DOP1A: variants seen among roughly 807,000 people sequenced by gnomAD.
DOP1A encodes the protein protein DOP1A.
Under a neutral mutation model 267.6 loss-of-function variants are expected in DOP1A, and 90 were observed. The ratio of observed to expected loss-of-function variants is 0.34; its 90% CI spans 0.28 to 0.40. The LOEUF (loss-of-function observed/expected upper bound fraction) is 0.40. Among genes scored for constraint, DOP1A ranks in the 10% least tolerant of loss-of-function variants. The pLI, the probability that DOP1A is intolerant of heterozygous loss-of-function variation, is 1.00. For synonymous variants in DOP1A, 932 were observed against 999.1 expected (o/e 0.93, Z 1.27); for missense variants, 2,437 against 2,900.4 (o/e 0.84, Z 3.67).
At chr6:83,070,920 A>G (rs141739509) in intron 1 of DOP1A, among the ~76,000 whole-genome samples, 4 of 152,334 alleles carry the variant, frequency 2.6e-5, no homozygotes, top group Admixed American at 6.5e-5. Context: ...ATATTTCTTT[A>G]TATCAATGTG....
chr6:83,072,215 A>G (rs923769454), intron 1 of DOP1A, among the ~76,000 whole-genome samples: 18 of 152,180 alleles, frequency 1.2e-4, no homozygotes, highest in African/African-American at 4.3e-4. Flanking sequence ...ACTTATAGGC[A>G]TATATCCATA....
intron 37 of DOP1A, among the ~76,000 whole-genome samples, chr6:83,160,785 C>A (rs2128412507): frequency 6.6e-6 from 1 of 152,182 alleles, no homozygotes; most frequent in South Asian, 2.1e-4. Flanking sequence ...TATATTGTGT[C>A]TTATTTTTCT....
In DOP1A at chr6:83,125,182, G is replaced by C; in HGVS notation, c.1472G>C (p.Arg491Thr). The change falls in exon 14 of 39, where the codon AGG becomes ACG. Residue 491 changes from arginine to threonine, a missense_variant. Physicochemically the swap from Arg to Thr is moderately conservative, Grantham distance 71. Transcript: ENST00000349129. ...DIVSLPTRSM[R>T]VLCQETYIEI... Reference sequence around the variant, plus strand: ...ATTTTGAAGCCTACTAGAAGTATGAGGGTGCTGTGTCAGGTATGACATTCA... The same window carrying C: ...ATTTTGAAGCCTACTAGAAGTATGACGGTGCTGTGTCAGGTATGACATTCA... The C allele has an allele frequency of 1.3e-6, 2 of 1,582,490 alleles. No homozygotes were observed. Among genetic ancestry groups the C allele is most frequent in the Non-Finnish European group, 1.7e-6 (2 of 1,171,184 alleles).
At position 83,111,765 on chromosome 6, in the gene DOP1A, T is replaced by C. The variant is rs545485286; in HGVS notation, c.681+1451T>C. 5.3e-5 allele frequency among the ~76,000 whole-genome samples: 8 copies of C among 152,332 alleles called. No homozygotes were observed. In the South Asian group the frequency reaches 1.7e-3, roughly 32 times the overall value. On this transcript the variant is annotated intron_variant, in intron 6 of 38. Transcript: ENST00000349129. ...GTAGGAGTTCCTTATATATTCTGGA[T>C]ATTAAACCCTTGTCGTATATATGAT...
At chr6:83,145,200 ATATAATAAT>A (rs1780378555) in intron 24 of DOP1A, among the ~76,000 whole-genome samples, 1 of 558 alleles carries the variant, frequency 1.8e-3, no homozygotes, top group Non-Finnish European at 2.8e-3. Context: ...TAATATATAT[ATATAATAAT>A]ATATATATAT....
chr6:83,146,238 T>G (rs566892783), intron 25 of DOP1A, among the ~76,000 whole-genome samples: 1 of 152,356 alleles, frequency 6.6e-6, no homozygotes, highest in Non-Finnish European at 1.5e-5. Context: ...TTTTCTGCTC[T>G]TTGTTCAAGC....
chr6:83,146,133 T>A (rs1046745521), intron 25 of DOP1A, among the ~76,000 whole-genome samples: 6 of 152,252 alleles, frequency 3.9e-5, no homozygotes, highest in African/African-American at 1.4e-4. Context: ...ATGCAAGTGC[T>A]ACACTATGAA....
intron 1 of DOP1A, among the ~76,000 whole-genome samples, chr6:83,089,641 A>G (rs1769973026): frequency 6.6e-6 from 1 of 152,192 alleles, no homozygotes; most frequent in African/African-American, 2.4e-5. Flanking sequence ...TACTTGCATC[A>G]CTTTAAACAA....
chr6:83,091,425 TCAAA>T (rs141534039), intron 1 of DOP1A, among the ~76,000 whole-genome samples: 14,340 of 152,058 alleles, frequency 0.094, 860 homozygotes, highest in East Asian at 0.15. Flanking sequence ...TAAACATATA[TCAAA>T]CAAACAAGCT....
chr6:83,125,085 T>C (rs2128225977), intron 13 of DOP1A, 81 bp from the exon 14 acceptor site: 1 of 1,247,840 alleles, frequency 8.0e-7, no homozygotes, highest in South Asian at 1.4e-5. Flanking sequence ...TATATTAATA[T>C]TATTTCTATT....
chr6:83,157,708 A>G (rs138047777), intron 35 of DOP1A, among the ~76,000 whole-genome samples: 1 of 152,314 alleles, frequency 6.6e-6, no homozygotes, highest in African/African-American at 2.4e-5. Flanking sequence ...CTGCTCTGAC[A>G]TATTACATAT....
At chr6:83,085,796 A>ATGTTT (rs889090712) in intron 1 of DOP1A, among the ~76,000 whole-genome samples, 1 of 147,936 alleles carries the variant, frequency 6.8e-6, no homozygotes, top group Admixed American at 6.7e-5. Flanking sequence ...ATGTTATGTT[A>ATGTTT]TGTTATGTTA....
intron 1 of DOP1A, among the ~76,000 whole-genome samples, chr6:83,090,052 C>T (rs1770056237): frequency 6.6e-6 from 1 of 152,264 alleles, no homozygotes; most frequent in African/African-American, 2.4e-5. Flanking sequence ...AATTCAGAGC[C>T]ACATCTGATG....
chr6:83,102,863 A>G (rs944320635), intron 4 of DOP1A, among the ~76,000 whole-genome samples: 1 of 152,114 alleles, frequency 6.6e-6, no homozygotes, highest in African/African-American at 2.4e-5. Context: ...ATAAACTAAA[A>G]CTAAACTATT....
chr6:83,084,277 A>G (rs1768667632), intron 1 of DOP1A, among the ~76,000 whole-genome samples: 1 of 152,216 alleles, frequency 6.6e-6, no homozygotes, highest in Admixed American at 6.5e-5. Context: ...TATTCAATAT[A>G]TAACATGCTG....
chr6:83,120,595 T>C, intron 9 of DOP1A, 88 bp from the exon 10 acceptor site: 1 of 1,101,660 alleles, frequency 9.1e-7, no homozygotes, highest in Non-Finnish European at 1.3e-6. Flanking sequence ...CTCCGTTATA[T>C]ATGGTTGCAT....
chr6:83,079,436 GT>G, intron 1 of DOP1A, among the ~76,000 whole-genome samples: 1 of 151,996 alleles, frequency 6.6e-6, no homozygotes, highest in African/African-American at 2.4e-5. Flanking sequence ...ATTAAAATTT[GT>G]TTACAGATAT....
chr6:83,086,075 G>A (rs1449128619), intron 1 of DOP1A, among the ~76,000 whole-genome samples: 1 of 152,042 alleles, frequency 6.6e-6, no homozygotes, highest in Admixed American at 6.6e-5. Context: ...GACTATAGGA[G>A]ATAACCTAAA....
intron 5 of DOP1A, 48 bp from the exon 6 acceptor site, chr6:83,110,077 T>A (rs1774293968): frequency 1.3e-6 from 2 of 1,491,868 alleles, no homozygotes; most frequent in Non-Finnish European, 1.8e-6. Flanking sequence ...TTTTTTAAAA[T>A]ATGAAACTAA....
Sources: gnomAD v4.1 joint callset for allele counts (sites outside exome capture counted in the v4.1 genomes callset) on GRCh38, gnomAD v4.1.1 for gene constraint, MANE v1.5 for transcripts, NCBI Gene and HGNC (gene_info 2026-07-23, HGNC 2026-07-21) for gene names.